The following TRPM1 variants were observed in gnomAD, a reference collection of about 807,000 sequenced individuals.
TRPM1 encodes transient receptor potential cation channel subfamily M member 1.
Under a neutral mutation model 149.4 loss-of-function variants are expected in TRPM1, and 113 were observed. The ratio of observed to expected loss-of-function variants is 0.76; its 90% CI spans 0.65 to 0.88. TRPM1 has a LOEUF of 0.88. Ranked by LOEUF, TRPM1 falls within the 40% of genes least tolerant of loss-of-function variation. TRPM1 has a pLI of 0.00. For synonymous variants in TRPM1, 741 were observed against 759.5 expected (o/e 0.98, Z 0.40); for missense variants, 1,976 against 2,038.7 (o/e 0.97, Z 0.59).
chr15:31,038,243 A>G (rs1390676583), intron 18 of TRPM1, 77 bp from the exon 19 acceptor site: 3 of 1,526,428 alleles, frequency 2.0e-6, no homozygotes, highest in Non-Finnish European at 2.7e-6. Flanking sequence ...TTTTTAAATT[A>G]TGACCTTCAA....
intron 27 of TRPM1, among the ~76,000 whole-genome samples, chr15:31,014,550 A>G (rs979620471): frequency 1.6e-4 from 25 of 152,354 alleles, no homozygotes; most frequent in African/African-American, 6.0e-4. Context: ...TTGTTTAAAT[A>G]AGAATGCCCT....
intron 7 of TRPM1, among the ~76,000 whole-genome samples, chr15:31,064,728 G>A (rs62038938): frequency 2.6e-5 from 4 of 152,154 alleles, no homozygotes; most frequent in Non-Finnish European, 5.9e-5. Context: ...TTTCTAATTT[G>A]CTTCCATGAG....
At chr15:31,118,829 C>T (rs2035837338) in intron 1 of TRPM1, among the ~76,000 whole-genome samples, 1 of 152,046 alleles carries the variant, frequency 6.6e-6, no homozygotes, top group South Asian at 2.1e-4. Flanking sequence ...TCTTCATGAC[C>T]CAATCACTCC....
At position 31,063,280 on chromosome 15, in the gene TRPM1, C is replaced by A. The variant is rs2034286262; in HGVS notation, c.803G>T (p.Gly268Val). The A allele has an allele frequency of 6.2e-7, 1 of 1,614,064 alleles. No individual in the cohort carries two copies. The highest frequency in any genetic ancestry group is 1.3e-5 in the African/African-American group (1 of 74,912). The stretch of plus-strand genomic sequence containing the variant: ...CACCACGAGACCCACGAGGGGCACG[C>A]CCTGCCCCAGTCCTGCAACACAAAC... ...LQKINTRLGQ[G>V]VPLVGLVVEG... The change falls in exon 8 of 28, where the codon GGC becomes GTC. Residue 268 changes from glycine to valine, a missense_variant. By Grantham distance (109) the Gly-to-Val change is moderately radical. Coordinates refer to ENST00000256552, the MANE Select transcript of TRPM1 (RefSeq NM_001252024.2).
At chr15:31,014,329 C>T (rs997506223) in intron 27 of TRPM1, among the ~76,000 whole-genome samples, 19 of 152,200 alleles carry the variant, frequency 1.2e-4, no homozygotes, top group East Asian at 7.7e-4. Context: ...GAAATACAGA[C>T]GAACCTTTCA....
At chr15:31,121,856 C>T (rs1465029299) in intron 1 of TRPM1, among the ~76,000 whole-genome samples, 6 of 151,832 alleles carry the variant, frequency 4.0e-5, no homozygotes, top group Admixed American at 2.6e-4. Flanking sequence ...CAAACCAAGA[C>T]ATTATAAGAA....
intron 11 of TRPM1, 142 bp from the exon 12 acceptor site, chr15:31,050,724 G>A (rs548163698): frequency 3.4e-6 from 3 of 884,388 alleles, no homozygotes; most frequent in Admixed American, 1.9e-5. Flanking sequence ...CACCCACACA[G>A]TGCACACATA....
In TRPM1 at chr15:31,146,260, G is replaced by A. The variant is rs113693506; in HGVS notation, c.54+14646C>T. Among the ~76,000 whole-genome samples, 372 of 152,362 alleles carry A rather than the reference G, an allele frequency of 2.4e-3. 1 individual carries two copies. Among genetic ancestry groups the A allele is most frequent in the African/African-American group, 8.6e-3 (358 of 41,578 alleles). On this transcript the variant is annotated intron_variant, in intron 1 of 26. Transcript: ENST00000542188. ...CATTATCATGAGGATACCATAACCT[G>A]TGAGTGACACGCTGAGACTGGAAAC... is the stretch of plus-strand genomic sequence containing the variant.
At chr15:31,037,084 C>T (rs893609491) in intron 20 of TRPM1, among the ~76,000 whole-genome samples, 6 of 152,360 alleles carry the variant, frequency 3.9e-5, no homozygotes, top group Middle Eastern at 3.4e-3. Flanking sequence ...CCACTGGGAC[C>T]GCCTGCAGCT....
In TRPM1 at chr15:31,050,476, T is replaced by C. The variant is rs375707573; in HGVS notation, c.1370A>G (p.Lys457Arg). The C allele has an allele frequency of 2.5e-6, 4 of 1,614,032 alleles. No homozygotes were observed. The African/African-American group carries it at 5.3e-5, about 22-fold the overall frequency. The part of the protein sequence containing the change: ...KGGRGKGKGK[K>R]KGKVKEEVEE... Reference sequence around the variant, plus strand: ...CACTTCCTCTTTCACTTTCCCTTTCTTCTTGCCTTTCCCTTTTCCTCTTCC... The same window carrying C: ...CACTTCCTCTTTCACTTTCCCTTTCCTCTTGCCTTTCCCTTTTCCTCTTCC... The change falls in exon 12 of 28, where the codon AAG (lysine) becomes AGG (arginine). Residue 457 changes from lysine (K) to arginine (R), a missense_variant. By Grantham distance (26) the Lys-to-Arg change is conservative. Transcript: ENST00000256552.
chr15:31,089,153 G>A (rs1009138303), intron 1 of TRPM1, among the ~76,000 whole-genome samples: 1 of 152,202 alleles, frequency 6.6e-6, no homozygotes, highest in Non-Finnish European at 1.5e-5. Flanking sequence ...GGCTGCTGCT[G>A]TTTGCCTTCT....
At chr15:31,135,329 A>G (rs1266858320) in intron 1 of TRPM1, among the ~76,000 whole-genome samples, 1 of 152,184 alleles carries the variant, frequency 6.6e-6, no homozygotes, top group East Asian at 1.9e-4. Context: ...GAGAAGGCCA[A>G]ATAAAATAAA....
upstream of TRPM1, among the ~76,000 whole-genome samples, chr15:31,103,307 T>C (rs1016668105): frequency 1.3e-5 from 2 of 152,188 alleles, no homozygotes; most frequent in African/African-American, 4.8e-5. Flanking sequence ...GGAGCTGAGA[T>C]GTCTCACACA....
chr15:31,034,966 G>A (rs542555447), intron 21 of TRPM1, among the ~76,000 whole-genome samples: 76 of 152,298 alleles, frequency 5.0e-4, no homozygotes, highest in African/African-American at 1.8e-3. Flanking sequence ...TTGGGATTGT[G>A]ATACCTCCAA....
chr15:31,121,054 C>T (rs1555431274), intron 1 of TRPM1, among the ~76,000 whole-genome samples: 1 of 151,582 alleles, frequency 6.6e-6, no homozygotes, highest in Non-Finnish European at 1.5e-5. Context: ...TGGTGAAACC[C>T]CATCTCTACT....
At chr15:31,150,539 T>G (rs2036286783) in intron 1 of TRPM1, among the ~76,000 whole-genome samples, 1 of 149,628 alleles carries the variant, frequency 6.7e-6, no homozygotes, top group South Asian at 2.1e-4. Flanking sequence ...CGGATTCAAG[T>G]GATTCTTCGG....
intron 1 of TRPM1, among the ~76,000 whole-genome samples, chr15:31,107,651 A>G (rs995516008): frequency 6.6e-6 from 1 of 151,758 alleles, no homozygotes; most frequent in African/African-American, 2.4e-5. Context: ...AGGTTAGGTT[A>G]TTTATTTGAG....
intron 21 of TRPM1, 133 bp from the exon 22 acceptor site, chr15:31,033,073 T>C: frequency 8.2e-7 from 1 of 1,225,596 alleles, no homozygotes; most frequent in Non-Finnish European, 1.2e-6. Flanking sequence ...GTTTAAACAC[T>C]CTTCTTCTCA....
Position 31,067,207 on chromosome 15 carries a change from A to C in TRPM1, c.494-20T>G, listed in dbSNP as rs780273509. 6.2e-7 allele frequency: 1 copy of C among 1,614,134 alleles called. No homozygotes were observed. Among genetic ancestry groups the C allele is most frequent in the South Asian group, 1.1e-5 (1 of 91,080 alleles). On this transcript the variant is annotated intron_variant, in intron 5 of 27. Coordinates refer to ENST00000256552, the MANE Select transcript of TRPM1 (RefSeq NM_001252024.2). ...TAACACCTGTGAGCAGCCATTGGTC[A>C]TATTTTAGGCTCTTTTACTTCCCAG...
Sources: gnomAD v4.1 joint callset for allele counts (sites outside exome capture counted in the v4.1 genomes callset) on GRCh38, gnomAD v4.1.1 for gene constraint, MANE v1.5 for transcripts, NCBI Gene and HGNC (gene_info 2026-07-23, HGNC 2026-07-21) for gene names.